RPL5: variants seen among roughly 807,000 people sequenced by gnomAD.
The protein encoded by RPL5 is large ribosomal subunit protein uL18.
RPL5 carries 1 observed loss-of-function variant against 38.4 expected under a neutral mutation model. The observed-to-expected ratio is 0.03, with a 90% CI of 0.01 to 0.12. The LOEUF is 0.12. Among genes scored for constraint, RPL5 ranks in the 10% least tolerant of loss-of-function variants. The pLI, the probability that RPL5 is intolerant of heterozygous loss-of-function variation, is 1.00. For missense variants in RPL5, 243 were observed against 374.1 expected (o/e 0.65, Z 2.89); for synonymous variants, 109 against 121.2 (o/e 0.90, Z 0.66).
In RPL5 at chr1:92,840,647, G is replaced by A. The variant is rs907325546; in HGVS notation, c.794+8G>A. ...AGAAGTTAAAAAGAAGAGGTATGTC[G>A]TCTTTTTTTTTGTCTTTTCAAGAAA... On this transcript the variant is annotated splice_region_variant and intron_variant, in intron 7 of 7. Transcript: ENST00000370321. 26 of 1,599,406 alleles carry A rather than the reference G, an allele frequency of 1.6e-5. No homozygotes were observed. The highest frequency in any genetic ancestry group is 3.3e-5 in the Admixed American group (2 of 59,906).
rs1280243432 is a variant in RPL5, at chr1:92,832,099, G to C, written c.-16G>C. On this transcript the variant is annotated 5_prime_UTR_variant, in exon 1 of 8. Transcript: ENST00000370321. ...GGTCTCTGTCGAGCAGCGGACGCCG[G>C]TCTCTGTTCCGCAGGATGGTGAGTG... The C allele has an allele frequency of 2.2e-5, 36 of 1,614,026 alleles. No individual in the cohort carries two copies. The highest frequency in any genetic ancestry group is 2.7e-5 in the Non-Finnish European group (32 of 1,180,018).
intron 6 of RPL5, 168 bp downstream of exon 6, chr1:92,837,801 TCAAG>T: frequency 1.6e-6 from 1 of 638,268 alleles, no homozygotes; most frequent in East Asian, 2.8e-5. Context: ...GTGGGAGACT[TCAAG>T]CATCTGAAGA....
chr1:92,832,004 C>T (rs931204478), upstream of RPL5: 15 of 1,536,806 alleles, frequency 9.8e-6, no homozygotes, highest in East Asian at 2.4e-4. Context: ...GCGTGACCGT[C>T]CGCGCTACAT....
intron 6 of RPL5, 142 bp downstream of exon 6, chr1:92,837,775 T>C: frequency 1.4e-6 from 1 of 708,512 alleles, no homozygotes. Context: ...TTTAGTAATC[T>C]TTTAGATGCT....
chr1:92,834,182 C>G (rs1204290027), intron 3 of RPL5, among the ~76,000 whole-genome samples: 1 of 152,132 alleles, frequency 6.6e-6, no homozygotes, highest in East Asian at 1.9e-4. Context: ...AGGGTTTGTC[C>G]TGATTTTTCC....
chr1:92,833,898 G>A, intron 3 of RPL5: 1 of 521,474 alleles, frequency 1.9e-6, no homozygotes. Flanking sequence ...TTGAGCCCAG[G>A]AGTTTGAGAC....
chr1:92,839,093 C>A lies in RPL5; in HGVS notation c.706-1458C>A, dbSNP rs930032518. 3.5e-5 allele frequency among the ~76,000 whole-genome samples: 5 copies of A among 144,540 alleles called. No homozygotes were observed. The Admixed American group carries it at 3.6e-4, about 10-fold the overall frequency. The allele number at this position is 144,540 out of a possible 152,430, so 94.8% of individuals were successfully genotyped here. ...AAATTGCCCTGGCGGGGCATGGTGG[C>A]TCACGCCTGTAATCCCCGGACTTGG... On this transcript the variant is annotated intron_variant, in intron 6 of 7. Coordinates refer to ENST00000370321, the MANE Select transcript of RPL5 (RefSeq NM_000969.5).
In RPL5 at chr1:92,834,783, C is replaced by T. The variant is rs1164645812; in HGVS notation, c.194C>T (p.Ala65Val). The T allele has an allele frequency of 6.2e-7, 1 of 1,613,068 alleles. No homozygotes were observed. The stretch of plus-strand genomic sequence containing the variant: ...CTAGTTTCTCTCTTACTATAGATTG[C>T]TTATGCCCGTATAGAGGGGGATATG... ...VTNRDIICQI[A>V]YARIEGDMIV... The change falls in exon 4 of 8, where the codon GCT becomes GTT. Residue 65 changes from alanine to valine, a missense_variant. Physicochemically the swap from Ala to Val is moderately conservative, Grantham distance 64 (BLOSUM62 0). Coordinates refer to ENST00000370321, the MANE Select transcript of RPL5 (RefSeq NM_000969.5).
At chr1:92,837,802 C>G in intron 6 of RPL5, 169 bp downstream of exon 6, 3 of 636,270 alleles carry the variant, frequency 4.7e-6, no homozygotes, top group Non-Finnish European at 8.3e-6. Context: ...TGGGAGACTT[C>G]AAGCATCTGA....
At chr1:92,839,031 C>CTTTT (rs35078348) in intron 6 of RPL5, among the ~76,000 whole-genome samples, 5 of 118,304 alleles carry the variant, frequency 4.2e-5, no homozygotes, top group Non-Finnish European at 5.2e-5. Flanking sequence ...AGAGTTGCAG[C>CTTTT]TTTTTTTTTT....
chr1:92,841,115 G>A (rs549350547), intron 7 of RPL5, among the ~76,000 whole-genome samples: 1 of 152,138 alleles, frequency 6.6e-6, no homozygotes, highest in Non-Finnish European at 1.5e-5. Context: ...TCATCATGCT[G>A]TGCAATAGAA....
chr1:92,836,826 G>A (rs1167437698), intron 5 of RPL5: 1 of 208,424 alleles, frequency 4.8e-6, no homozygotes, highest in Non-Finnish European at 9.8e-6. Flanking sequence ...CCTGCAACTA[G>A]GAATAAGATT....
At chr1:92,835,926 T>C (rs879411895) in intron 4 of RPL5, among the ~76,000 whole-genome samples, 12 of 152,208 alleles carry the variant, frequency 7.9e-5, no homozygotes, top group Non-Finnish European at 1.6e-4. Context: ...TTCTCATTGA[T>C]TGCTGCATAA....
At chr1:92,832,621 C>G (rs1686953558) in intron 1 of RPL5, 1 of 301,506 alleles carries the variant, frequency 3.3e-6, no homozygotes, top group African/African-American at 2.1e-5. Context: ...GGCTTTTAAG[C>G]CAAAATTGTC....
chr1:92,837,208 G>C (rs1401120217), intron 5 of RPL5: 2 of 652,908 alleles, frequency 3.1e-6, no homozygotes, highest in South Asian at 1.5e-5. Flanking sequence ...TAATTTTGTA[G>C]TGGTGGAAAG....
intron 7 of RPL5, among the ~76,000 whole-genome samples, chr1:92,841,207 G>C (rs368824311): frequency 6.6e-6 from 1 of 152,124 alleles, no homozygotes; most frequent in African/African-American, 2.4e-5. Flanking sequence ...ACCAGCCTCT[G>C]TAACCACCAT....
intron 5 of RPL5, 106 bp downstream of exon 5, chr1:92,836,498 C>G: frequency 1.0e-6 from 1 of 990,686 alleles, no homozygotes; most frequent in Non-Finnish European, 1.6e-6. Flanking sequence ...CAATTGAATG[C>G]CTGCTGTATG....
Position 92,834,789 on chromosome 1 carries a change from C to T in RPL5, c.200C>T (p.Ala67Val). 6.2e-7 allele frequency: 1 copy of T among 1,613,112 alleles called. No homozygotes were observed. Among genetic ancestry groups the T allele is most frequent in the Non-Finnish European group, 8.5e-7 (1 of 1,179,852 alleles). The stretch of plus-strand genomic sequence containing the variant: ...TCTCTCTTACTATAGATTGCTTATG[C>T]CCGTATAGAGGGGGATATGATAGTC... ...NRDIICQIAY[A>V]RIEGDMIVCA... The change falls in exon 4 of 8, where the codon GCC (alanine) becomes GTC (valine). Residue 67 changes from alanine to valine, a missense_variant. Coordinates refer to ENST00000370321, the MANE Select transcript of RPL5 (RefSeq NM_000969.5).
intron 7 of RPL5, 158 bp downstream of exon 7, chr1:92,840,797 G>A (rs777955435): frequency 2.7e-6 from 2 of 739,508 alleles, no homozygotes; most frequent in South Asian, 1.4e-5. Context: ...TGTGGTGATG[G>A]AAATGTGTTA....
Sources: gnomAD v4.1 joint callset for allele counts (sites outside exome capture counted in the v4.1 genomes callset) on GRCh38, gnomAD v4.1.1 for gene constraint, MANE v1.5 for transcripts, NCBI Gene and HGNC (gene_info 2026-07-23, HGNC 2026-07-21) for gene names.